ZNF571: variants seen among roughly 807,000 people sequenced by gnomAD.
The protein encoded by ZNF571 is zinc finger protein 571.
A neutral mutation model predicts 7.7 loss-of-function variants in ZNF571; 4 were observed. That is an observed-to-expected ratio of 0.52 (90% CI 0.25 to 1.18). The LOEUF (loss-of-function observed/expected upper bound fraction) is 1.18, where lower values mean the gene tolerates loss of function less well. Ranked by LOEUF, ZNF571 falls within the 50% of genes most tolerant of loss-of-function variation. The pLI, the probability that ZNF571 is intolerant of heterozygous loss-of-function variation, is 0.14. For synonymous variants in ZNF571, 251 were observed against 232.4 expected (o/e 1.08, Z -0.73); for missense variants, 704 against 726.9 (o/e 0.97, Z 0.36).
At position 37,566,022 on chromosome 19, in the gene ZNF571, C is replaced by G. The variant is rs2042844831; in HGVS notation, c.406G>C (p.Glu136Gln). The change falls in exon 4 of 4, where the codon GAA (glutamate) becomes CAA (glutamine). Residue 136 changes from glutamate (E) to glutamine (Q), a missense_variant. By Grantham distance (29) the Glu-to-Gln change is conservative (BLOSUM62 2). Coordinates refer to ENST00000451802, the MANE Select transcript of ZNF571 (RefSeq NM_016536.5). ...STFHRIIPTK[E>Q]KLYKCKECRQ... ...CATTCCTTACATTTGTACAATTTTTCCTTGGTAGGAATTATCCGATGAAAA... is the reference window on the plus strand; with the variant it reads ...CATTCCTTACATTTGTACAATTTTTGCTTGGTAGGAATTATCCGATGAAAA... The G allele has an allele frequency of 6.2e-7, 1 of 1,613,984 alleles. No individual in the cohort carries two copies. Among genetic ancestry groups the G allele is most frequent in the East Asian group, 2.2e-5 (1 of 44,870 alleles).
chr19:37,574,079 A>G (rs993387344), intron 3 of ZNF571, among the ~76,000 whole-genome samples: 1 of 152,168 alleles, frequency 6.6e-6, no homozygotes, highest in Non-Finnish European at 1.5e-5. Context: ...TGGATCCATT[A>G]TTCGTACCCT....
chr19:37,584,778 C>G (rs59178044), intron 2 of ZNF571, among the ~76,000 whole-genome samples: 2 of 151,778 alleles, frequency 1.3e-5, no homozygotes, highest in African/African-American at 2.4e-5. Context: ...CTGGCTAACA[C>G]GGTGAAACCC....
chr19:37,578,165 A>G (rs1237083043), intron 3 of ZNF571, among the ~76,000 whole-genome samples: 2 of 152,052 alleles, frequency 1.3e-5, no homozygotes, highest in Admixed American at 1.3e-4. Context: ...CCCACTCCCC[A>G]CGGCCAGAAA....
intron 3 of ZNF571, among the ~76,000 whole-genome samples, chr19:37,572,539 AT>A (rs1488876512): frequency 6.6e-6 from 1 of 152,148 alleles, no homozygotes; most frequent in Non-Finnish European, 1.5e-5. Context: ...AAAACACATA[AT>A]ATATATGGCT....
Position 37,564,442 on chromosome 19 carries a change from GAATT to G in ZNF571, c.*152_*155del, listed in dbSNP as rs2147146702. On this transcript the variant is annotated 3_prime_UTR_variant, in exon 4 of 4. Coordinates refer to ENST00000451802, the MANE Select transcript of ZNF571 (RefSeq NM_016536.5). ...TTCTAGCGTTTATAGAGATGTTAAG[GAATT>G]ATTTAAGGGGTTTCTGAAATTATTC... 9.3e-6 allele frequency: 5 copies of G among 538,156 alleles called. No homozygotes were observed. Among genetic ancestry groups the G allele is most frequent in the South Asian group, 6.0e-5 (1 of 16,554 alleles). 33.3% of individuals were successfully genotyped at this position (538,156 alleles called of 1,614,324 possible). A position where few individuals can be genotyped will look rare whatever the true frequency, so the allele number is the denominator to read the frequency against.
In ZNF571 at chr19:37,566,058, T is replaced by C. The variant is rs145626680; in HGVS notation, c.370A>G (p.Thr124Ala). 37 of 1,614,100 alleles carry C rather than the reference T, an allele frequency of 2.3e-5. No homozygotes were observed. In the African/African-American group the frequency reaches 3.1e-4, roughly 13 times the overall value. Residue 124 changes from threonine to alanine, a missense_variant, in exon 4 of 4, where the codon ACC (threonine) becomes GCC (alanine). By Grantham distance (58) the Thr-to-Ala change is moderately conservative. Transcript: ENST00000451802. ...CEEKATESHS[T>A]SSTFHRIIPT... is the part of the protein sequence containing the mutation. ...ATTATCCGATGAAAAGTAGAAGAGG[T>C]TGAATGACTTTCAGTGGCCTTTTCT...
chr19:37,581,792 A>AC (rs1440353446), intron 3 of ZNF571, among the ~76,000 whole-genome samples: 2 of 151,414 alleles, frequency 1.3e-5, no homozygotes. Flanking sequence ...CTCCTGTGAA[A>AC]AAAAAACAAA....
intron 1 of ZNF571, among the ~76,000 whole-genome samples, chr19:37,593,115 CTTA>C (rs1328093311): frequency 2.0e-5 from 3 of 151,272 alleles, no homozygotes; most frequent in Admixed American, 6.6e-5. Flanking sequence ...TTGTTTTAAA[CTTA>C]TTGTTAGTTT....
intron 1 of ZNF571, among the ~76,000 whole-genome samples, chr19:37,593,916 A>G (rs772392090): frequency 8.5e-5 from 13 of 152,106 alleles, no homozygotes; most frequent in Admixed American, 5.2e-4. Context: ...TTCGGAAAGG[A>G]AGAAATTTGA....
rs754832513 is a variant in ZNF571, at chr19:37,565,724, C to A, written c.704G>T (p.Gly235Val). 2.0e-5 allele frequency: 33 copies of A among 1,613,788 alleles called. 1 individual carries two copies. The Admixed American group carries it at 3.2e-4, about 15-fold the overall frequency. ...CNACGKAFIRGSQLTEHQRVH... is the reference protein window; with the variant it reads ...CNACGKAFIRVSQLTEHQRVH... ...TCTCTGATGTTCAGTGAGCTGTGAA[C>A]CACGAATAAAAGCTTTCCCACATGC... The change falls in exon 4 of 4, where the codon GGT becomes GTT. Residue 235 changes from glycine to valine, a missense_variant. Physicochemically the swap from Gly to Val is moderately radical, Grantham distance 109. Coordinates refer to ENST00000451802, the MANE Select transcript of ZNF571 (RefSeq NM_016536.5).
chr19:37,588,768 A>G (rs1461888893), intron 1 of ZNF571, among the ~76,000 whole-genome samples: 1 of 152,220 alleles, frequency 6.6e-6, no homozygotes, highest in Admixed American at 6.5e-5. Context: ...GAAAAGATTA[A>G]TGTAACTGAA....
intron 3 of ZNF571, among the ~76,000 whole-genome samples, chr19:37,576,183 A>C (rs1024057463): frequency 6.6e-6 from 1 of 152,208 alleles, no homozygotes; most frequent in Admixed American, 6.5e-5. Flanking sequence ...TTTACTAAAA[A>C]ATCCACCAAT....
chr19:37,565,813 A>C lies in ZNF571; in HGVS notation c.615T>G (p.Gly205=). ...YECMECGKAF[G]RTSDLIQHQK... is the part of the protein sequence containing the mutation. ...GATGTTGAATGAGATCAGAAGTACG[A>C]CCAAAGGCCTTTCCACATTCCATAC... Residue 205 remains glycine, a synonymous_variant, in exon 4 of 4, where the codon GGT becomes GGG. Transcript: ENST00000451802. 1 of 1,613,738 alleles carries C rather than the reference A, an allele frequency of 6.2e-7. No individual in the cohort carries two copies.
intron 3 of ZNF571, among the ~76,000 whole-genome samples, chr19:37,574,036 T>C (rs562621465): frequency 5.3e-5 from 8 of 152,342 alleles, no homozygotes; most frequent in Non-Finnish European, 1.0e-4. Context: ...TCTGTACACA[T>C]GTATTCCTGA....
In ZNF571 at chr19:37,584,393, T is replaced by C. The variant is rs112711784; in HGVS notation, c.10-296A>G. Among the ~76,000 whole-genome samples, 485 of 152,328 alleles carry C rather than the reference T, an allele frequency of 3.2e-3. 3 individuals are homozygous for C. Among genetic ancestry groups the C allele is most frequent in the African/African-American group, 0.011 (457 of 41,564 alleles). On this transcript the variant is annotated intron_variant, in intron 2 of 3. Transcript: ENST00000451802. ...GCGTTTTCTTCACAACAGGTTTTAATTGCACAGCAGATAAGGCTTCCAAAT... is the reference window on the plus strand; with the variant it reads ...GCGTTTTCTTCACAACAGGTTTTAACTGCACAGCAGATAAGGCTTCCAAAT...
chr19:37,593,302 ATGT>A (rs751371882), intron 1 of ZNF571, among the ~76,000 whole-genome samples: 12 of 152,342 alleles, frequency 7.9e-5, no homozygotes, highest in Non-Finnish European at 1.5e-4. Flanking sequence ...GGTGTTGAAC[ATGT>A]TGGGGTTCGT....
chr19:37,565,709 T>C lies in ZNF571; in HGVS notation c.719A>G (p.Glu240Gly), dbSNP rs540340741. The change falls in exon 4 of 4, where the codon GAA (glutamate) becomes GGA (glycine). Residue 240 changes from glutamate to glycine, a missense_variant. Glu to Gly is a moderately conservative substitution (Grantham distance 98, BLOSUM62 -2). Transcript: ENST00000451802. ...KAFIRGSQLT[E>G]HQRVHTGEKP... ...CTCTCCTGTATGAACTCTCTGATGT[T>C]CAGTGAGCTGTGAACCACGAATAAA... is the stretch of plus-strand genomic sequence containing the variant. 1 of 1,613,962 alleles carries C rather than the reference T, an allele frequency of 6.2e-7. No individual in the cohort carries two copies. The highest frequency in any genetic ancestry group is 8.5e-7 in the Non-Finnish European group (1 of 1,179,922).
chr19:37,581,712 C>T (rs1296228279), intron 3 of ZNF571, among the ~76,000 whole-genome samples: 1 of 151,928 alleles, frequency 6.6e-6, no homozygotes, highest in Non-Finnish European at 1.5e-5. Context: ...ATTCACCCAC[C>T]TCAGCCTCCC....
chr19:37,586,962 G>T (rs1325753585), intron 1 of ZNF571: 3 of 421,152 alleles, frequency 7.1e-6, no homozygotes, highest in Non-Finnish European at 1.3e-5. Context: ...CTTTCCCATG[G>T]CATCTCCTCT....
Sources: gnomAD v4.1 joint callset for allele counts (sites outside exome capture counted in the v4.1 genomes callset) on GRCh38, gnomAD v4.1.1 for gene constraint, MANE v1.5 for transcripts, NCBI Gene and HGNC (gene_info 2026-07-23, HGNC 2026-07-21) for gene names.